The following DCAF17 variants were observed in gnomAD, a reference collection of about 807,000 sequenced individuals.
DCAF17 encodes the protein DDB1- and CUL4-associated factor 17.
DCAF17 carries 48 observed loss-of-function variants against 66.0 expected under a neutral mutation model. The ratio of observed to expected loss-of-function variants is 0.73; its 90% confidence interval spans 0.58 to 0.92. DCAF17 has a LOEUF of 0.92. DCAF17 is among the 40% of genes least tolerant of loss of function. DCAF17 has a pLI of 0.00. For synonymous variants in DCAF17, 206 were observed against 214.6 expected (o/e 0.96, Z 0.35); for missense variants, 562 against 622.8 (o/e 0.90, Z 1.04).
intron 2 of DCAF17, among the ~76,000 whole-genome samples, chr2:171,441,011 A>G (rs910849950): frequency 3.3e-5 from 5 of 152,306 alleles, no homozygotes; most frequent in East Asian, 1.9e-4. Flanking sequence ...TCTAACCCCA[A>G]GAGGGCTCTG....
At chr2:171,458,907 C>T (rs966586048) in intron 8 of DCAF17, among the ~76,000 whole-genome samples, 1 of 152,064 alleles carries the variant, frequency 6.6e-6, no homozygotes, top group Non-Finnish European at 1.5e-5. Flanking sequence ...ACAGACAGAA[C>T]TTCCCAGTAT....
In DCAF17 at chr2:171,478,986, C is replaced by T. The variant is rs113864498; in HGVS notation, c.1266+916C>T. On this transcript the variant is annotated intron_variant, in intron 12 of 13. Coordinates refer to ENST00000375255, the MANE Select transcript of DCAF17 (RefSeq NM_025000.4). ...TGCTCTGTATCATGAGATTAAAAAACAAAATATTTTAGCCTGTAAAGGAAA... is the reference window on the plus strand; with the variant it reads ...TGCTCTGTATCATGAGATTAAAAAATAAAATATTTTAGCCTGTAAAGGAAA... 5.7e-4 allele frequency among the ~76,000 whole-genome samples: 86 copies of T among 152,134 alleles called. 1 individual carries two copies. The highest frequency in any genetic ancestry group is 2.0e-3 in the African/African-American group (85 of 41,520).
chr2:171,458,473 C>T lies in DCAF17; in HGVS notation c.834C>T (p.Ile278=), dbSNP rs780036993. The T allele has an allele frequency of 4.3e-6, 7 of 1,609,280 alleles. No individual in the cohort carries two copies. The South Asian group carries it at 7.7e-5, about 18-fold the overall frequency. The part of the protein sequence containing the change: ...APFGIPCNIK[I]TDMPPLLFEV... ...TTGGCATTCCTTGTAATATTAAAAT[C>T]ACAGGTATGGCTACTCTATAGTATT... The change falls in exon 8 of 14, where the codon ATC becomes ATT. Residue 278 remains isoleucine, a synonymous_variant. Transcript: ENST00000375255.
intron 8 of DCAF17, among the ~76,000 whole-genome samples, chr2:171,467,291 A>C (rs1428387860): frequency 1.3e-5 from 2 of 152,154 alleles, no homozygotes; most frequent in Non-Finnish European, 2.9e-5. Flanking sequence ...GTACATGATG[A>C]GTGCATCAAA....
At chr2:171,475,069 G>C (rs1296715917) in intron 10 of DCAF17, among the ~76,000 whole-genome samples, 2 of 152,178 alleles carry the variant, frequency 1.3e-5, no homozygotes, top group Non-Finnish European at 2.9e-5. Flanking sequence ...TAGTTAGCAT[G>C]GTCCGAAAGA....
At chr2:171,443,324 G>A (rs1559258043) in intron 2 of DCAF17, 199 bp from the exon 3 acceptor site, 1 of 482,670 alleles carries the variant, frequency 2.1e-6, no homozygotes, top group Non-Finnish European at 3.6e-6. Context: ...CAGTTTTATG[G>A]TATTGTAAAC....
intron 3 of DCAF17, among the ~76,000 whole-genome samples, chr2:171,444,438 C>A (rs1290912156): frequency 6.6e-6 from 1 of 151,998 alleles, no homozygotes; most frequent in African/African-American, 2.4e-5. Flanking sequence ...GTGACAGGCA[C>A]AAAATTTAAA....
At chr2:171,453,952 A>T (rs1011886117) in intron 6 of DCAF17, among the ~76,000 whole-genome samples, 1 of 152,192 alleles carries the variant, frequency 6.6e-6, no homozygotes, top group Admixed American at 6.5e-5. Context: ...ATAATGGCTA[A>T]AGAGTAATAT....
Position 171,480,096 on chromosome 2 carries a change from C to T in DCAF17, c.1325C>T (p.Thr442Ile). The part of the protein sequence containing the change: ...ELDLLSVVAV[T>I]QIDAEGKAHL... ...GATTTGCTTTCTGTGGTAGCTGTTA[C>T]TCAAATAGATGCTGAAGGAAAAGCT... The change falls in exon 13 of 14, where the codon ACT becomes ATT. Residue 442 changes from threonine to isoleucine, a missense_variant. Thr to Ile is a moderately conservative substitution (Grantham distance 89). Transcript: ENST00000375255. 3 of 1,613,826 alleles carry T rather than the reference C, an allele frequency of 1.9e-6. No homozygotes were observed. Among genetic ancestry groups the T allele is most frequent in the Non-Finnish European group, 2.5e-6 (3 of 1,179,806 alleles).
chr2:171,442,972 T>G (rs201574888), intron 2 of DCAF17, among the ~76,000 whole-genome samples: 2 of 150,882 alleles, frequency 1.3e-5, no homozygotes, highest in South Asian at 4.1e-4. Flanking sequence ...ATCAAAGATA[T>G]AGCATTCAAT....
intron 5 of DCAF17, among the ~76,000 whole-genome samples, chr2:171,450,810 T>C (rs987601371): frequency 2.0e-5 from 3 of 152,160 alleles, no homozygotes; most frequent in African/African-American, 7.2e-5. Context: ...ACTAATTTGA[T>C]CTTCAGCACA....
chr2:171,482,189 G>C lies in DCAF17; in HGVS notation c.*1075G>C, dbSNP rs565430048. 4.4e-6 allele frequency: 2 copies of C among 452,342 alleles called. No individual in the cohort carries two copies. The highest frequency in any genetic ancestry group is 1.4e-4 in the East Asian group (2 of 14,374). The allele number at this position is 452,342 out of a possible 1,614,324, so 28.0% of individuals were successfully genotyped here. A position where few individuals can be genotyped will look rare whatever the true frequency, so the allele number is the denominator to read the frequency against. ...GAGAAAATGTTTCTTTGTGCTTCCT[G>C]TTTGAGAAATTCAGTTGCTTCCATT... On this transcript the variant is annotated 3_prime_UTR_variant, in exon 14 of 14. Coordinates refer to ENST00000375255, the MANE Select transcript of DCAF17 (RefSeq NM_025000.4).
At chr2:171,453,915 TTATG>T (rs1171428611) in intron 6 of DCAF17, among the ~76,000 whole-genome samples, 1 of 152,236 alleles carries the variant, frequency 6.6e-6, no homozygotes, top group Non-Finnish European at 1.5e-5. Flanking sequence ...AAATTTTACA[TTATG>T]TAAGCATTAT....
chr2:171,478,237 CCT>C (rs1559292964), intron 12 of DCAF17, among the ~76,000 whole-genome samples, 167 bp downstream of exon 12: 1 of 152,178 alleles, frequency 6.6e-6, no homozygotes, highest in Non-Finnish European at 1.5e-5. Context: ...AACCCATCAT[CCT>C]CTCTTTTCAT....
intron 3 of DCAF17, among the ~76,000 whole-genome samples, chr2:171,445,728 G>A (rs779520723): frequency 6.6e-6 from 1 of 152,046 alleles, no homozygotes; most frequent in Non-Finnish European, 1.5e-5. Context: ...TGTTGCCTAA[G>A]CTGGAGTCCA....
chr2:171,458,047 T>C lies in DCAF17; in HGVS notation c.704T>C (p.Leu235Pro). The C allele has an allele frequency of 6.2e-7, 1 of 1,614,068 alleles. No homozygotes were observed. Among genetic ancestry groups the C allele is most frequent in the Non-Finnish European group, 8.5e-7 (1 of 1,179,950 alleles). Reference sequence around the variant, plus strand: ...ATGTACAGCTCAGGACTGGTCAGACTCTATAGCTTCCAAACCATCGCTGAA... The same window carrying C: ...ATGTACAGCTCAGGACTGGTCAGACCCTATAGCTTCCAAACCATCGCTGAA... ...IVMYSSGLVR[L>P]YSFQTIAEQF... Residue 235 changes from leucine (L) to proline (P), a missense_variant, in exon 7 of 14, where the codon CTC (leucine) becomes CCC (proline). Transcript: ENST00000375255.
intron 8 of DCAF17, among the ~76,000 whole-genome samples, chr2:171,468,052 T>G (rs1696027886): frequency 6.6e-6 from 1 of 152,134 alleles, no homozygotes; most frequent in African/African-American, 2.4e-5. Flanking sequence ...GACCATGTGG[T>G]GTTTCCTAAA....
intron 9 of DCAF17, among the ~76,000 whole-genome samples, chr2:171,471,046 TTAAATC>T (rs1696217897): frequency 6.6e-6 from 1 of 152,210 alleles, no homozygotes; most frequent in Admixed American, 6.5e-5. Flanking sequence ...AGGAATTACT[TTAAATC>T]TAAATAATGG....
In DCAF17 at chr2:171,449,974, A is replaced by AT. The variant is rs770432686; in HGVS notation, c.537+19dup. 1.0e-5 allele frequency: 16 copies of AT among 1,591,054 alleles called. No homozygotes were observed. The highest frequency in any genetic ancestry group is 1.4e-5 in the Non-Finnish European group (16 of 1,159,424). On this transcript the variant is annotated intron_variant, in intron 5 of 13. Transcript: ENST00000375255. ...GCCCGGCAGGTATACATATTTAAAC[A>AT]TTCAATAAAATGAAGACTCTTTTTC...
Sources: gnomAD v4.1 joint callset for allele counts (sites outside exome capture counted in the v4.1 genomes callset) on GRCh38, gnomAD v4.1.1 for gene constraint, MANE v1.5 for transcripts, NCBI Gene and HGNC (gene_info 2026-07-23, HGNC 2026-07-21) for gene names.